IFT25: variants seen among roughly 807,000 people sequenced by gnomAD.
The protein encoded by IFT25 is intraflagellar transport 25, also known as intraflagellar transport protein 25 homolog.
chr1:53,929,176 G>A, the IFT25 span, among the ~76,000 whole-genome samples: 11,578 of 152,208 alleles, frequency 0.076, 805 homozygotes, highest in African/African-American at 0.19. Flanking sequence ...GGGGGAGACT[G>A]GGGTGGGGAA....
the IFT25 span, among the ~76,000 whole-genome samples, chr1:53,927,349 C>T: frequency 4.2e-4 from 64 of 152,332 alleles, no homozygotes; most frequent in African/African-American, 1.5e-3. Flanking sequence ...ATGTTCCAGT[C>T]TCCCAGCTGA....
At chr1:53,938,794 C>T in the IFT25 span, among the ~76,000 whole-genome samples, 6 of 152,144 alleles carry the variant, frequency 3.9e-5, no homozygotes, top group African/African-American at 1.4e-4. Context: ...AGGAGTCCTC[C>T]ACCAGGCAGG....
chr1:53,920,238 A>G, the IFT25 span, among the ~76,000 whole-genome samples: 7 of 152,150 alleles, frequency 4.6e-5, no homozygotes, highest in Non-Finnish European at 2.9e-5. Context: ...CAAATATTCA[A>G]ATGAGTAATT....
the IFT25 span, among the ~76,000 whole-genome samples, chr1:53,911,778 T>G: frequency 6.6e-6 from 1 of 152,172 alleles, no homozygotes; most frequent in Non-Finnish European, 1.5e-5. Context: ...GCTGGGTGAC[T>G]TTGATCAAGC....
At chr1:53,927,505 C>A in the IFT25 span, among the ~76,000 whole-genome samples, 1 of 152,160 alleles carries the variant, frequency 6.6e-6, no homozygotes, top group African/African-American at 2.4e-5. Flanking sequence ...TCCTGAGCCT[C>A]AACATTCTAT....
chr1:53,922,848 T>C, the IFT25 span, among the ~76,000 whole-genome samples: 5 of 152,252 alleles, frequency 3.3e-5, no homozygotes, highest in Non-Finnish European at 7.3e-5. Context: ...CTGTACAGCA[T>C]ATGGTCAACA....
chr1:53,940,974 A>T, the IFT25 span, among the ~76,000 whole-genome samples: 3 of 150,944 alleles, frequency 2.0e-5, no homozygotes, highest in African/African-American at 7.3e-5. Context: ...TTCTGTAGAG[A>T]TGGGGTCTTG....
the IFT25 span, among the ~76,000 whole-genome samples, chr1:53,918,428 G>A: frequency 5.3e-3 from 811 of 152,260 alleles, 7 homozygotes; most frequent in Non-Finnish European, 9.5e-3. Flanking sequence ...TTACGGCACA[G>A]GAGGAAAAGA....
the IFT25 span, among the ~76,000 whole-genome samples, chr1:53,915,370 T>C: frequency 3.9e-5 from 6 of 152,164 alleles, no homozygotes; most frequent in South Asian, 2.1e-4. Flanking sequence ...AGTAATTCAA[T>C]TGGATTAAAT....
At chr1:53,936,449 C>CA in the IFT25 span, among the ~76,000 whole-genome samples, 5 of 151,314 alleles carry the variant, frequency 3.3e-5, no homozygotes, top group East Asian at 1.9e-4. Flanking sequence ...GACCTTGTCT[C>CA]AAAAAAAATA....
chr1:53,926,952 TG>T, the IFT25 span, among the ~76,000 whole-genome samples: 2 of 152,122 alleles, frequency 1.3e-5, no homozygotes, highest in Non-Finnish European at 2.9e-5. Flanking sequence ...CTTGAACTCC[TG>T]GACTCATGCA....
At chr1:53,941,976 G>T in the IFT25 span, among the ~76,000 whole-genome samples, 7 of 152,134 alleles carry the variant, frequency 4.6e-5, no homozygotes, top group African/African-American at 1.7e-4. Flanking sequence ...ACTCTGAGTG[G>T]CTATACTCAA....
At chr1:53,939,828 A>G in the IFT25 span, 4 of 599,404 alleles carry the variant, frequency 6.7e-6, no homozygotes, top group Non-Finnish European at 1.2e-5. Flanking sequence ...ACACAACTCA[A>G]TTAGTTTCAG....
the IFT25 span, chr1:53,921,883 C>T: frequency 3.0e-6 from 2 of 663,350 alleles, no homozygotes; most frequent in East Asian, 2.7e-5. Context: ...TATAACAACA[C>T]ATAAGGCCAG....
At chr1:53,937,971 T>A in the IFT25 span, among the ~76,000 whole-genome samples, 1 of 152,200 alleles carries the variant, frequency 6.6e-6, no homozygotes, top group Non-Finnish European at 1.5e-5. Flanking sequence ...AAACTAAATT[T>A]GAGTTAACCT....
At chr1:53,935,188 C>A in the IFT25 span, among the ~76,000 whole-genome samples, 5 of 152,122 alleles carry the variant, frequency 3.3e-5, no homozygotes, top group Non-Finnish European at 1.5e-5. Context: ...GTGGGGCCTG[C>A]CTTAATCCCA....
the IFT25 span, among the ~76,000 whole-genome samples, chr1:53,939,344 T>C: frequency 1.4e-5 from 2 of 146,154 alleles, no homozygotes; most frequent in Non-Finnish European, 3.0e-5. Flanking sequence ...TGAGCCAAGA[T>C]GGTGCCACTG....
At chr1:53,935,605 CA>C in the IFT25 span, among the ~76,000 whole-genome samples, 1 of 150,620 alleles carries the variant, frequency 6.6e-6, no homozygotes. Context: ...AGTTGTTACC[CA>C]CCCCCAAAAA....
chr1:53,915,343 A>C, the IFT25 span, among the ~76,000 whole-genome samples: 4 of 152,210 alleles, frequency 2.6e-5, no homozygotes, highest in Non-Finnish European at 4.4e-5. Flanking sequence ...TGTCCCTATA[A>C]GGGTGAGAGA....
Sources: gnomAD v4.1 joint callset for allele counts (sites outside exome capture counted in the v4.1 genomes callset) on GRCh38, gnomAD v4.1.1 for gene constraint, MANE v1.5 for transcripts, NCBI Gene and HGNC (gene_info 2026-07-23, HGNC 2026-07-21) for gene names.